Variants in ABCA13 observed in about 807,000 individuals in gnomAD.
ABCA13 encodes the protein ATP binding cassette subfamily A member 13, also known as ATP-binding cassette sub-family A member 13.
ABCA13 carries 476 observed loss-of-function variants against 478.7 expected under a neutral mutation model. The ratio of observed to expected loss-of-function variants is 0.99; its 90% CI spans 0.92 to 1.07. ABCA13 has a LOEUF of 1.07. Among genes scored for constraint, ABCA13 ranks in the 50% least tolerant of loss-of-function variants. The probability of loss-of-function intolerance (pLI) is 0.00; values close to 1 mark genes in which losing one functional copy is unlikely to be tolerated. For synonymous variants in ABCA13, 2,252 were observed against 2,158.9 expected, an observed-to-expected ratio of 1.04 and a Z score of -1.20; for missense variants, 6,060 against 5,910.6, an observed-to-expected ratio of 1.03 and a Z score of -0.83.
At chr7:48,449,470 G>A (rs932057632) in intron 42 of ABCA13, among the ~76,000 whole-genome samples, 2 of 152,168 alleles carry the variant, frequency 1.3e-5, no homozygotes, top group Admixed American at 1.3e-4. Flanking sequence ...AGATTGAAGA[G>A]TACCCTATCT....
chr7:48,451,201 T>C (rs912788130), intron 42 of ABCA13, among the ~76,000 whole-genome samples: 1 of 152,108 alleles, frequency 6.6e-6, no homozygotes, highest in Non-Finnish European at 1.5e-5. Flanking sequence ...TTTCACCATG[T>C]TGGACACGCT....
chr7:48,618,588 G>A (rs1792827149), intron 59 of ABCA13, among the ~76,000 whole-genome samples: 1 of 152,196 alleles, frequency 6.6e-6, no homozygotes, highest in Non-Finnish European at 1.5e-5. Context: ...GGAGGCAGAG[G>A]GCAGCTGGAA....
intron 34 of ABCA13, 59 bp downstream of exon 34, chr7:48,374,475 A>G (rs1041938073): frequency 1.3e-5 from 19 of 1,439,776 alleles, no homozygotes; most frequent in Non-Finnish European, 1.7e-5. Flanking sequence ...GGAAATTAAT[A>G]GTTATATTGC....
intron 45 of ABCA13, among the ~76,000 whole-genome samples, chr7:48,478,179 T>G: frequency 6.7e-6 from 1 of 148,732 alleles, no homozygotes; most frequent in African/African-American, 2.4e-5. Flanking sequence ...TATATCATGA[T>G]ATATATATAA....
At chr7:48,425,841 A>C (rs1821339761) in intron 41 of ABCA13, among the ~76,000 whole-genome samples, 1 of 152,010 alleles carries the variant, frequency 6.6e-6, no homozygotes, top group Non-Finnish European at 1.5e-5. Context: ...CCTGGGGTTC[A>C]CGCCATTCTC....
chr7:48,445,446 T>C (rs1021839680), intron 42 of ABCA13, among the ~76,000 whole-genome samples: 1 of 152,232 alleles, frequency 6.6e-6, no homozygotes, highest in Non-Finnish European at 1.5e-5. Flanking sequence ...CTGCACCTTG[T>C]CTATGCCAGT....
rs78866027 is a variant in ABCA13 at position 48,416,570 on chromosome 7, C to T, written c.12459+3987C>T. Among the ~76,000 whole-genome samples, 435 of 152,216 alleles carry T rather than the reference C, an allele frequency of 2.9e-3. 15 individuals carry two copies. The East Asian group carries it at 0.076, about 27-fold the overall frequency. The stretch of plus-strand genomic sequence containing the variant: ...AAGGGAAGAAACTTCTAGTGCAGCG[C>T]GTGACACACAGACAGACGACATTTG... On this transcript the variant is annotated intron_variant, in intron 41 of 61. Coordinates refer to ENST00000435803, the MANE Select transcript of ABCA13 (RefSeq NM_152701.5).
chr7:48,523,135 A>G (rs1280589212), intron 53 of ABCA13, among the ~76,000 whole-genome samples: 1 of 152,234 alleles, frequency 6.6e-6, no homozygotes, highest in African/African-American at 2.4e-5. Context: ...CACCCTAGGT[A>G]ACTGCAATCC....
chr7:48,543,578 C>T (rs1212350994), intron 55 of ABCA13, among the ~76,000 whole-genome samples: 4 of 151,312 alleles, frequency 2.6e-5, no homozygotes, highest in African/African-American at 7.3e-5. Context: ...GAGCCGAGAT[C>T]GCACCGTTGC....
chr7:48,434,922 T>A (rs1822629122), intron 42 of ABCA13, among the ~76,000 whole-genome samples: 2 of 151,916 alleles, frequency 1.3e-5, no homozygotes, highest in Admixed American at 1.3e-4. Flanking sequence ...GTAGTAACCT[T>A]TGAAATCAGA....
intron 55 of ABCA13, among the ~76,000 whole-genome samples, chr7:48,563,423 G>C (rs1403538339): frequency 1.3e-5 from 2 of 152,078 alleles, no homozygotes; most frequent in African/African-American, 2.4e-5. Context: ...TGTCATTAAG[G>C]TTCTCCCTTG....
chr7:48,218,981 T>A (rs541253573), intron 3 of ABCA13, among the ~76,000 whole-genome samples: 115 of 152,338 alleles, frequency 7.5e-4, no homozygotes, highest in African/African-American at 2.5e-3. Context: ...TATCTCTGTC[T>A]CCTCCTCATG....
Position 48,219,431 on chromosome 7 carries a change from C to A in ABCA13, c.365C>A (p.Ala122Glu), listed in dbSNP as rs749658724. The A allele has an allele frequency of 1.2e-6, 2 of 1,613,014 alleles. No individual in the cohort carries two copies. Among genetic ancestry groups the A allele is most frequent in the Admixed American group, 3.3e-5 (2 of 59,880 alleles). ...TTTTTAAAAGAGATACAAGACCTGG[C>A]AGAGGAAATTCATGGAATGATGGAC... ...LAFLKEIQDL[A>E]EEIHGMMDKA... Residue 122 changes from alanine (A) to glutamate (E), a missense_variant, in exon 4 of 62, where the codon GCA becomes GAA. Ala to Glu is a moderately radical substitution (Grantham distance 107). Transcript: ENST00000435803.
In ABCA13 at chr7:48,392,025, G is replaced by A. The variant is rs1210982173; in HGVS notation, c.11759G>A (p.Cys3920Tyr). The part of the protein sequence containing the change: ...LSRVRMELGV[C>Y]PQQDILLDNL... ...AGGGTCAGAATGGAGCTTGGTGTGT[G>A]TCCGCAGCAGGACATCCTGTTGGAC... The change falls in exon 38 of 62, where the codon TGT (cysteine) becomes TAT (tyrosine). Residue 3920 changes from cysteine to tyrosine, a missense_variant. Coordinates refer to ENST00000435803, the MANE Select transcript of ABCA13 (RefSeq NM_152701.5). 14 of 1,614,004 alleles carry A rather than the reference G, an allele frequency of 8.7e-6. No individual in the cohort carries two copies. Among genetic ancestry groups the A allele is most frequent in the East Asian group, 2.2e-5 (1 of 44,870 alleles).
At chr7:48,326,269 T>A (rs1804317679) in intron 27 of ABCA13, among the ~76,000 whole-genome samples, 1 of 152,150 alleles carries the variant, frequency 6.6e-6, no homozygotes, top group Non-Finnish European at 1.5e-5. Context: ...AGCTTAACAG[T>A]GTATCAACTG....
intron 15 of ABCA13, among the ~76,000 whole-genome samples, chr7:48,263,982 C>T (rs1270997119): frequency 6.6e-6 from 1 of 151,848 alleles, no homozygotes; most frequent in Non-Finnish European, 1.5e-5. Flanking sequence ...GCTACCATTG[C>T]TCTGCTTTCT....
intron 3 of ABCA13, among the ~76,000 whole-genome samples, chr7:48,201,378 G>C (rs768072470): frequency 6.6e-6 from 1 of 152,132 alleles, no homozygotes. Flanking sequence ...TTACGCTCTC[G>C]GGCATAAAGA....
chr7:48,237,853 T>C (rs1253812304), intron 8 of ABCA13, among the ~76,000 whole-genome samples: 3 of 152,262 alleles, frequency 2.0e-5, no homozygotes, highest in Non-Finnish European at 4.4e-5. Flanking sequence ...GATGGCTGCA[T>C]ATCTGCCTCT....
chr7:48,303,505 T>C (rs1218035741), intron 23 of ABCA13, among the ~76,000 whole-genome samples: 1 of 152,212 alleles, frequency 6.6e-6, no homozygotes, highest in Non-Finnish European at 1.5e-5. Flanking sequence ...CTTGAGTTGA[T>C]TTTTGTATAG....
Sources: gnomAD v4.1 joint callset for allele counts (sites outside exome capture counted in the v4.1 genomes callset) on GRCh38, gnomAD v4.1.1 for gene constraint, MANE v1.5 for transcripts, NCBI Gene and HGNC (gene_info 2026-07-23, HGNC 2026-07-21) for gene names.